The following RSBN1L variants were observed in gnomAD, a reference collection of about 807,000 sequenced individuals.
RSBN1L encodes lysine-specific demethylase RSBN1L.
RSBN1L carries 30 observed loss-of-function variants against 67.7 expected under a neutral mutation model. The observed-to-expected ratio is 0.44, with a 90% CI of 0.33 to 0.60. The LOEUF is 0.60. Ranked by LOEUF, RSBN1L falls within the 20% of genes least tolerant of loss-of-function variation. The pLI is 0.02. For missense variants in RSBN1L, 992 were observed against 1,031.7 expected (o/e 0.96, Z 0.53); for synonymous variants, 433 against 387.0 (o/e 1.12, Z -1.39).
chr7:77,696,832 T>G lies in RSBN1L; in HGVS notation c.363T>G (p.Ser121=), dbSNP rs1306763382. The G allele has an allele frequency of 1.2e-6, 2 of 1,613,422 alleles. No individual in the cohort carries two copies. Among genetic ancestry groups the G allele is most frequent in the East Asian group, 2.2e-5 (1 of 44,884 alleles). Residue 121 remains serine, a synonymous_variant, in exon 1 of 8, where the codon TCT becomes TCG. Transcript: ENST00000334955. The stretch of plus-strand genomic sequence containing the variant: ...CCTCCTCAGCCTCCGCTTCCTTGTC[T>G]CAGCCGGTGCCGCGCAAACTGCTGG... ...AVPSSASASL[S]QPVPRKLLVP...
At chr7:77,714,124 A>G (rs1043838076) in intron 1 of RSBN1L, among the ~76,000 whole-genome samples, 6 of 152,206 alleles carry the variant, frequency 3.9e-5, no homozygotes, top group South Asian at 4.1e-4. Context: ...TTTCTGCTCA[A>G]CTAACACCCT....
chr7:77,727,629 T>A (rs889356342), intron 1 of RSBN1L, among the ~76,000 whole-genome samples: 1 of 151,890 alleles, frequency 6.6e-6, no homozygotes, highest in Non-Finnish European at 1.5e-5. Context: ...AAACAAATTT[T>A]TTTTTTTTTT....
chr7:77,702,947 TTA>T (rs890386349), intron 1 of RSBN1L, among the ~76,000 whole-genome samples: 1 of 152,208 alleles, frequency 6.6e-6, no homozygotes, highest in African/African-American at 2.4e-5. Flanking sequence ...CCGAAAAGCC[TTA>T]TTTTCAGATA....
chr7:77,697,154 G>A, intron 1 of RSBN1L, 99 bp downstream of exon 1: 1 of 1,261,666 alleles, frequency 7.9e-7, no homozygotes, highest in East Asian at 3.2e-5. Flanking sequence ...GCGGCCGCGT[G>A]CGCCGGCCTG....
At position 77,731,590 on chromosome 7, in the gene RSBN1L, T is replaced by G. The variant is rs1791272817; in HGVS notation, c.587-4820T>G. 2.0e-5 allele frequency among the ~76,000 whole-genome samples: 3 copies of G among 152,190 alleles called. No homozygotes were observed. In the South Asian group the frequency reaches 6.2e-4, roughly 32 times the overall value. On this transcript the variant is annotated intron_variant, in intron 1 of 7. Transcript: ENST00000334955. ...TTATTGAGTTTAAAGAGTTACCTTT[T>G]TTTGGATAATAACCCTTTATTGGAT...
chr7:77,782,803 T>C lies in RSBN1L; in HGVS notation c.*3635T>C, dbSNP rs961659428. On this transcript the variant is annotated 3_prime_UTR_variant, in exon 8 of 8. Transcript: ENST00000334955. ...AGTGTTCCTGAGTGTAAAACAGTTT[T>C]TTCCCAAATACTTATGGCAGATAAG... 1 of 152,222 alleles carries C rather than the reference T, an allele frequency of 6.6e-6. No homozygotes were observed. The highest frequency in any genetic ancestry group is 1.5e-5 in the Non-Finnish European group (1 of 68,030). The allele number at this position is 152,222 out of a possible 1,614,324, so 9.4% of individuals were successfully genotyped here.
chr7:77,760,878 C>G (rs953426660), intron 3 of RSBN1L, among the ~76,000 whole-genome samples: 1 of 152,220 alleles, frequency 6.6e-6, no homozygotes, highest in Admixed American at 6.5e-5. Context: ...TCAAATGATC[C>G]TCCCGCCTTG....
At chr7:77,711,229 A>G (rs1562794458) in intron 1 of RSBN1L, among the ~76,000 whole-genome samples, 1 of 152,194 alleles carries the variant, frequency 6.6e-6, no homozygotes, top group Non-Finnish European at 1.5e-5. Flanking sequence ...ATATTTGACA[A>G]ATTGAGTTAT....
At chr7:77,727,460 T>C (rs1791219546) in intron 1 of RSBN1L, among the ~76,000 whole-genome samples, 1 of 152,188 alleles carries the variant, frequency 6.6e-6, no homozygotes, top group Non-Finnish European at 1.5e-5. Context: ...TTTAGACATA[T>C]AGTGCATTCT....
intron 1 of RSBN1L, among the ~76,000 whole-genome samples, chr7:77,732,394 G>A (rs113216237): frequency 9.9e-5 from 15 of 152,066 alleles, no homozygotes; most frequent in Admixed American, 7.2e-4. Context: ...GTGCAGTGGC[G>A]CCATCTTAGT....
At chr7:77,697,640 C>A (rs1043202857) in intron 1 of RSBN1L, among the ~76,000 whole-genome samples, 1 of 152,126 alleles carries the variant, frequency 6.6e-6, no homozygotes. Flanking sequence ...CCCTACTCTC[C>A]GCTGCGTATT....
rs3084596 is a variant in RSBN1L at position 77,781,972 on chromosome 7, C to CAAAAAAAA, written c.*2817_*2824dup. On this transcript the variant is annotated 3_prime_UTR_variant, in exon 8 of 8. Coordinates refer to ENST00000334955, the MANE Select transcript of RSBN1L (RefSeq NM_198467.3). ...TGCCCTCCAGCCTGGGCGACAGTCT[C>CAAAAAAAA]AAAAAAAAAAAAAAAAAAAAGCATA... The CAAAAAAAA allele has an allele frequency of 3.8e-5, 3 of 78,058 alleles. No individual in the cohort carries two copies. Among genetic ancestry groups the CAAAAAAAA allele is most frequent in the Non-Finnish European group, 7.4e-5 (3 of 40,740 alleles). The allele number at this position is 78,058 out of a possible 1,614,324, so 4.8% of individuals were successfully genotyped here.
At chr7:77,702,593 T>G (rs562782346) in intron 1 of RSBN1L, among the ~76,000 whole-genome samples, 1 of 152,208 alleles carries the variant, frequency 6.6e-6, no homozygotes, top group Non-Finnish European at 1.5e-5. Context: ...TTTCTTCAGA[T>G]AGATGTCCTT....
At chr7:77,739,818 C>T (rs1457921000) in intron 2 of RSBN1L, among the ~76,000 whole-genome samples, 9 of 113,284 alleles carry the variant, frequency 7.9e-5, no homozygotes, top group Non-Finnish European at 1.3e-4. Flanking sequence ...GGCGCGATCT[C>T]GGCTCACTGC....
At chr7:77,753,551 C>G (rs1232094904) in intron 3 of RSBN1L, among the ~76,000 whole-genome samples, 1 of 152,138 alleles carries the variant, frequency 6.6e-6, no homozygotes, top group Non-Finnish European at 1.5e-5. Flanking sequence ...TTTCCTCTCA[C>G]TTGGTGTCTT....
chr7:77,745,638 T>C (rs907047329), intron 2 of RSBN1L, among the ~76,000 whole-genome samples: 2 of 152,310 alleles, frequency 1.3e-5, no homozygotes, highest in East Asian at 1.9e-4. Flanking sequence ...CCCAACCTTA[T>C]TGGTACCAGG....
chr7:77,756,542 T>C (rs1299003024), intron 3 of RSBN1L, among the ~76,000 whole-genome samples: 1 of 152,038 alleles, frequency 6.6e-6, no homozygotes, highest in Admixed American at 6.5e-5. Context: ...TTTGGGAGGC[T>C]GAGCTGGGCG....
At chr7:77,718,146 T>C (rs1006610174) in intron 1 of RSBN1L, among the ~76,000 whole-genome samples, 1 of 152,122 alleles carries the variant, frequency 6.6e-6, no homozygotes, top group Non-Finnish European at 1.5e-5. Flanking sequence ...TGAACTAATA[T>C]TCATGGCAGC....
intron 1 of RSBN1L, among the ~76,000 whole-genome samples, chr7:77,731,640 T>A (rs964791932): frequency 6.6e-6 from 1 of 152,360 alleles, no homozygotes; most frequent in Non-Finnish European, 1.5e-5. Context: ...TATTTTCTTA[T>A]AGTCTGTGGC....
Sources: allele counts gnomAD v4.1 joint callset (sites outside exome capture counted in the v4.1 genomes callset), GRCh38; gene constraint gnomAD v4.1.1; transcripts MANE v1.5; gene names NCBI Gene and HGNC (gene_info 2026-07-23, HGNC 2026-07-21).